Variants in SETD3 observed in about 807,000 individuals in gnomAD.
SETD3 encodes the protein SET domain containing 3, actin N3(tau)-histidine methyltransferase, also known as actin-histidine N-methyltransferase.
SETD3 carries 19 observed loss-of-function variants against 63.0 expected under a neutral mutation model. The ratio of observed to expected loss-of-function variants is 0.30; its 90% CI spans 0.21 to 0.44. SETD3 has a LOEUF of 0.44. Ranked by LOEUF, SETD3 falls within the 20% of genes least tolerant of loss-of-function variation. SETD3 has a pLI of 1.00. For synonymous variants in SETD3, 286 were observed against 264.1 expected (o/e 1.08, Z -0.80); for missense variants, 587 against 728.5 (o/e 0.81, Z 2.24).
At chr14:99,437,718 G>A (rs545813614) in intron 6 of SETD3, among the ~76,000 whole-genome samples, 7 of 152,204 alleles carry the variant, frequency 4.6e-5, no homozygotes, top group South Asian at 2.1e-4. Context: ...AGATTGATTC[G>A]TCTCAATAAA....
chr14:99,430,039 G>A (rs1011246890), intron 6 of SETD3, among the ~76,000 whole-genome samples: 1 of 152,224 alleles, frequency 6.6e-6, no homozygotes, highest in Admixed American at 6.5e-5. Context: ...AGCCTTGATG[G>A]CTCAAGATGG....
chr14:99,454,393 A>C (rs1894637291), intron 6 of SETD3, among the ~76,000 whole-genome samples: 1 of 152,116 alleles, frequency 6.6e-6, no homozygotes, highest in South Asian at 2.1e-4. Flanking sequence ...CTTGACAGCA[A>C]CTTTGAGCTT....
At chr14:99,453,123 TCTCC>T (rs1005573167) in intron 6 of SETD3, among the ~76,000 whole-genome samples, 4 of 152,136 alleles carry the variant, frequency 2.6e-5, no homozygotes, top group Non-Finnish European at 5.9e-5. Context: ...ATCCTCTCTC[TCTCC>T]CTGAGTGACA....
intron 6 of SETD3, among the ~76,000 whole-genome samples, chr14:99,423,910 C>T (rs1595178272): frequency 6.6e-6 from 1 of 151,480 alleles, no homozygotes; most frequent in East Asian, 1.9e-4. Context: ...CTTATATTTT[C>T]TTCATTAAAT....
intron 6 of SETD3, among the ~76,000 whole-genome samples, chr14:99,443,947 C>G (rs925683716): frequency 3.9e-4 from 59 of 152,314 alleles, no homozygotes; most frequent in African/African-American, 1.3e-3. Flanking sequence ...ACAGCTCCTG[C>G]ATCAGTGCAG....
At chr14:99,438,672 C>T (rs1048726154) in intron 6 of SETD3, among the ~76,000 whole-genome samples, 1 of 152,170 alleles carries the variant, frequency 6.6e-6, no homozygotes, top group African/African-American at 2.4e-5. Flanking sequence ...AGTCTTATGG[C>T]CTCCAAACCG....
chr14:99,450,866 T>C (rs1034628471), intron 6 of SETD3, among the ~76,000 whole-genome samples: 1 of 152,210 alleles, frequency 6.6e-6, no homozygotes, highest in African/African-American at 2.4e-5. Context: ...CTGCATTTAC[T>C]TAAAAAGCAT....
intron 1 of SETD3, among the ~76,000 whole-genome samples, chr14:99,469,016 G>A (rs1595270211): frequency 6.6e-6 from 1 of 152,204 alleles, no homozygotes; most frequent in East Asian, 1.9e-4. Context: ...CCATCCCCTT[G>A]GAACAGACAG....
chr14:99,434,110 C>G (rs1465676988), intron 6 of SETD3, among the ~76,000 whole-genome samples: 1 of 152,238 alleles, frequency 6.6e-6, no homozygotes, highest in Non-Finnish European at 1.5e-5. Flanking sequence ...CACAAGATTA[C>G]TTCTAGCAGC....
chr14:99,412,907 A>G, intron 8 of SETD3, 44 bp downstream of exon 8: 2 of 1,362,372 alleles, frequency 1.5e-6, no homozygotes, highest in Non-Finnish European at 1.1e-6. Context: ...CTTAGCAACA[A>G]CAGCCTCCCA....
At chr14:99,434,950 C>T (rs1450589800) in intron 6 of SETD3, among the ~76,000 whole-genome samples, 2 of 144,136 alleles carry the variant, frequency 1.4e-5, no homozygotes, top group African/African-American at 5.2e-5. Context: ...TAAAAGTTGA[C>T]AGAAAACTCC....
intron 6 of SETD3, among the ~76,000 whole-genome samples, chr14:99,426,505 G>C (rs547329088): frequency 4.5e-4 from 68 of 152,304 alleles, no homozygotes; most frequent in Admixed American, 2.3e-3. Context: ...GAGCAGCTGA[G>C]GCCTGAATGT....
chr14:99,414,637 C>T (rs1892192847), intron 6 of SETD3, among the ~76,000 whole-genome samples: 1 of 152,210 alleles, frequency 6.6e-6, no homozygotes, highest in African/African-American at 2.4e-5. Context: ...TAAAACTTCA[C>T]TTTTATGAGA....
At chr14:99,443,922 T>A (rs781575751) in intron 6 of SETD3, among the ~76,000 whole-genome samples, 12 of 152,246 alleles carry the variant, frequency 7.9e-5, no homozygotes, top group Non-Finnish European at 1.6e-4. Context: ...AGGCTAGGAC[T>A]ACACTGCTGA....
In SETD3 at chr14:99,413,008, G is replaced by A. The variant is rs1892087588; in HGVS notation, c.792C>T (p.Ser264=). ...RQNQIPTEDG[S]RVTLALIPLW... The stretch of plus-strand genomic sequence containing the variant: ...AAGGAATCAGAGCCAGGGTCACGCG[G>A]GAACCATCCTCTGTGGGAATTTGGT... The change falls in exon 8 of 13, where the codon TCC becomes TCT. Residue 264 remains serine, a synonymous_variant. Transcript: ENST00000331768. 6.2e-7 allele frequency: 1 copy of A among 1,614,036 alleles called. No individual in the cohort carries two copies. Among genetic ancestry groups the A allele is most frequent in the Non-Finnish European group, 8.5e-7 (1 of 1,179,966 alleles).
At chr14:99,421,161 G>C (rs1010383923) in intron 6 of SETD3, among the ~76,000 whole-genome samples, 1 of 138,216 alleles carries the variant, frequency 7.2e-6, no homozygotes, top group Non-Finnish European at 1.5e-5. Context: ...TCCACCAATC[G>C]ATCAATGCTT....
At chr14:99,474,084 G>A (rs1775220612) in intron 1 of SETD3, among the ~76,000 whole-genome samples, 1 of 152,166 alleles carries the variant, frequency 6.6e-6, no homozygotes, top group South Asian at 2.1e-4. Flanking sequence ...ACTTTGGGAG[G>A]CCAAGGCGGG....
At chr14:99,472,955 C>T (rs186848966) in intron 1 of SETD3, among the ~76,000 whole-genome samples, 1 of 152,160 alleles carries the variant, frequency 6.6e-6, no homozygotes, top group Non-Finnish European at 1.5e-5. Flanking sequence ...TAAAAAGGAA[C>T]AGCTAAGCCA....
intron 6 of SETD3, among the ~76,000 whole-genome samples, chr14:99,428,996 C>A (rs12433874): frequency 0.5 from 75,699 of 152,010 alleles, 19,411 homozygotes; most frequent in African/African-American, 0.6. Context: ...AGCCTCTAAG[C>A]AGCAAAGAAA....
Sources: gnomAD v4.1 joint callset for allele counts (sites outside exome capture counted in the v4.1 genomes callset) on GRCh38, gnomAD v4.1.1 for gene constraint, MANE v1.5 for transcripts, NCBI Gene and HGNC (gene_info 2026-07-23, HGNC 2026-07-21) for gene names.